MAP3K1: variants seen among roughly 807,000 people sequenced by gnomAD.
MAP3K1 encodes MAP/ERK kinase kinase 1.
A neutral mutation model predicts 144.2 loss-of-function variants in MAP3K1; 36 were observed. The ratio of observed to expected loss-of-function variants is 0.25; its 90% CI spans 0.19 to 0.33. The LOEUF is 0.33. Among genes scored for constraint, MAP3K1 ranks in the 10% least tolerant of loss-of-function variants. The pLI is 1.00. For synonymous variants in MAP3K1, 718 were observed against 688.7 expected, an observed-to-expected ratio of 1.04 and a Z score of -0.67; for missense variants, 1,650 against 1,881.9, an observed-to-expected ratio of 0.88 and a Z score of 2.28.
chr5:56,823,794 C>G (rs1320143842), intron 1 of MAP3K1, among the ~76,000 whole-genome samples: 1 of 152,084 alleles, frequency 6.6e-6, no homozygotes, highest in Non-Finnish European at 1.5e-5. Flanking sequence ...TAGTAGAGAG[C>G]AAATAGCTAT....
At chr5:56,883,971 A>AAACCCTACCTC (rs1748302630) in intron 15 of MAP3K1, among the ~76,000 whole-genome samples, 1 of 152,088 alleles carries the variant, frequency 6.6e-6, no homozygotes, top group Non-Finnish European at 1.5e-5. Context: ...CAGCATGGTG[A>AAACCCTACCTC]AACCCTACCT....
In MAP3K1 at chr5:56,888,152, G is replaced by A. The variant is rs1181931169; in HGVS notation, c.4258-74G>A. 2.2e-6 allele frequency: 3 copies of A among 1,367,190 alleles called. No homozygotes were observed. The African/African-American group carries it at 4.3e-5, about 20-fold the overall frequency. 84.7% of individuals were successfully genotyped at this position (1,367,190 alleles called of 1,614,324 possible). ...GTTTTCTCCCTAAAGTAAGGAAGTA[G>A]AATCTATAACTACAAAATGGCCTTC... On this transcript the variant is annotated intron_variant, in intron 18 of 19. Transcript: ENST00000399503.
At chr5:56,833,812 T>C (rs1746566684) in intron 1 of MAP3K1, among the ~76,000 whole-genome samples, 1 of 152,310 alleles carries the variant, frequency 6.6e-6, no homozygotes, top group South Asian at 2.1e-4. Context: ...AAGGCCAGCA[T>C]CTAGTATTAA....
At chr5:56,846,612 C>T (rs1380594299) in intron 1 of MAP3K1, among the ~76,000 whole-genome samples, 1 of 152,178 alleles carries the variant, frequency 6.6e-6, no homozygotes, top group Non-Finnish European at 1.5e-5. Context: ...TTTTAAGAGT[C>T]ACTGCATATT....
At position 56,882,319 on chromosome 5, in the gene MAP3K1, A is replaced by G; in HGVS notation, c.3119A>G (p.Asp1040Gly). The G allele has an allele frequency of 6.2e-7, 1 of 1,614,166 alleles. No homozygotes were observed. Among genetic ancestry groups the G allele is most frequent in the South Asian group, 1.1e-5 (1 of 91,092 alleles). The change falls in exon 14 of 20, where the codon GAT (aspartate) becomes GGT (glycine). Residue 1040 changes from aspartate (D) to glycine (G), a missense_variant. Coordinates refer to ENST00000399503, the MANE Select transcript of MAP3K1 (RefSeq NM_005921.2). The part of the protein sequence containing the change: ...HRNCPENKDS[D>G]KLSPVFTQSR... Reference sequence around the variant, plus strand: ...AACTGTCCTGAAAACAAAGACTCAGATAAACTTTCCCCAGTCTTTACTCAG... The same window carrying G: ...AACTGTCCTGAAAACAAAGACTCAGGTAAACTTTCCCCAGTCTTTACTCAG...
intron 1 of MAP3K1, among the ~76,000 whole-genome samples, chr5:56,816,475 C>G (rs1730601686): frequency 1.3e-5 from 2 of 151,988 alleles, no homozygotes; most frequent in Non-Finnish European, 2.9e-5. Flanking sequence ...AGGCCCGAGC[C>G]TGAGGCGGGC....
intron 1 of MAP3K1, among the ~76,000 whole-genome samples, chr5:56,824,863 T>C (rs532550634): frequency 1.2e-4 from 18 of 152,356 alleles, no homozygotes; most frequent in Non-Finnish European, 2.6e-4. Context: ...AGTCATTTTA[T>C]ACCTTGCAGT....
chr5:56,853,546 G>A lies in MAP3K1; in HGVS notation c.483-3054G>A, dbSNP rs528955006. Among the ~76,000 whole-genome samples the A allele has an allele frequency of 7.2e-5, 11 of 152,260 alleles. No individual in the cohort carries two copies. In the South Asian group the frequency reaches 2.3e-3, roughly 32 times the overall value. On this transcript the variant is annotated intron_variant, in intron 1 of 19. Coordinates refer to ENST00000399503, the MANE Select transcript of MAP3K1 (RefSeq NM_005921.2). ...GGTGTATAGATGGCGATAACACGTG[G>A]TCCCCTCACTCATGGAGCTTACAGT...
At chr5:56,844,991 C>T (rs1036004023) in intron 1 of MAP3K1, among the ~76,000 whole-genome samples, 3 of 152,340 alleles carry the variant, frequency 2.0e-5, no homozygotes, top group Admixed American at 1.3e-4. Flanking sequence ...AGAAATCCTT[C>T]TCCTAGCAAA....
intron 5 of MAP3K1, among the ~76,000 whole-genome samples, 183 bp downstream of exon 5, chr5:56,865,639 A>G (rs1190161147): frequency 1.3e-5 from 2 of 152,226 alleles, no homozygotes; most frequent in African/African-American, 4.8e-5. Context: ...CTAGCTTGAA[A>G]AAAACAAACA....
intron 3 of MAP3K1, among the ~76,000 whole-genome samples, chr5:56,861,903 T>A (rs982229471): frequency 2.9e-4 from 44 of 152,084 alleles, no homozygotes; most frequent in African/African-American, 8.5e-4. Flanking sequence ...GGTTTTTTTT[T>A]AAGATCTGGA....
At chr5:56,857,453 C>A (rs1747375330) in intron 2 of MAP3K1, among the ~76,000 whole-genome samples, 1 of 151,976 alleles carries the variant, frequency 6.6e-6, no homozygotes, top group Non-Finnish European at 1.5e-5. Flanking sequence ...ATTACAGTAT[C>A]CTAGCACTAA....
At position 56,882,152 on chromosome 5, in the gene MAP3K1, AACC is replaced by A. The variant is rs140733770; in HGVS notation, c.2953_2955del (p.Thr985del). The A allele has an allele frequency of 1.4e-3, 2,218 of 1,614,124 alleles. 29 individuals carry two copies. The African/African-American group carries it at 0.026, about 19-fold the overall frequency. On this transcript the variant is annotated inframe_deletion, in exon 14 of 20. Coordinates refer to ENST00000399503, the MANE Select transcript of MAP3K1 (RefSeq NM_005921.2). ...CCCAATTAATGTTTCCAGCCTTGTC[AACC>A]CCTTCTTCTTCTACCCCATCTGTAC...
rs1561188623 is a variant in MAP3K1 at position 56,864,916 on chromosome 5, G to A, written c.1017G>A (p.Arg339=). ...GAGACAGCCCAGACAATAAATACCG[G>A]GTGTTTATTGGGCCTCAGGTAGGAT... The part of the protein sequence containing the change: ...IGGDSPDNKY[R]VFIGPQNCSC... Residue 339 remains arginine (R), a synonymous_variant, in exon 4 of 20, where the codon CGG becomes CGA. Coordinates refer to ENST00000399503, the MANE Select transcript of MAP3K1 (RefSeq NM_005921.2). 6.2e-7 allele frequency: 1 copy of A among 1,613,712 alleles called. No individual in the cohort carries two copies. The highest frequency in any genetic ancestry group is 8.5e-7 in the Non-Finnish European group (1 of 1,179,950).
intron 1 of MAP3K1, among the ~76,000 whole-genome samples, chr5:56,853,898 G>C (rs557184088): frequency 2.7e-5 from 4 of 146,540 alleles, no homozygotes; most frequent in Admixed American, 1.3e-4. Flanking sequence ...GTCTAAGCCC[G>C]GGGGGAACCA....
intron 19 of MAP3K1, among the ~76,000 whole-genome samples, chr5:56,889,612 T>A (rs1013964662): frequency 6.6e-6 from 1 of 152,214 alleles, no homozygotes; most frequent in Non-Finnish European, 1.5e-5. Flanking sequence ...TCAGTAGATG[T>A]GATGGTTGAA....
At chr5:56,892,801 T>C (rs1748586242) in intron 19 of MAP3K1, among the ~76,000 whole-genome samples, 1 of 152,174 alleles carries the variant, frequency 6.6e-6, no homozygotes, top group Non-Finnish European at 1.5e-5. Flanking sequence ...TAATGGGTGC[T>C]CAAAAATTGT....
chr5:56,818,509 A>G (rs1267413647), intron 1 of MAP3K1, among the ~76,000 whole-genome samples: 2 of 152,128 alleles, frequency 1.3e-5, no homozygotes, highest in African/African-American at 4.8e-5. Context: ...ATTAGAATTT[A>G]TATAAATAAA....
In MAP3K1 at chr5:56,815,586, G is replaced by GAGGAGCC; in HGVS notation, c.13_14insAGGAGCC (p.Ala5GlufsTer21). On this transcript the variant is annotated frameshift_variant, in exon 1 of 20. Coordinates refer to ENST00000399503, the MANE Select transcript of MAP3K1 (RefSeq NM_005921.2). LOFTEE classifies it high-confidence loss of function. Reference sequence around the variant, plus strand: ...CCCGCGAGAGAAAATGGCGGCGGCGGCGGGGAATCGCGCCTCGTCGTCGGG... The same window carrying GAGGAGCC: ...CCCGCGAGAGAAAATGGCGGCGGCGGAGGAGCCCGGGGAATCGCGCCTCGTCGTCGGG... 7.7e-7 allele frequency: 1 copy of GAGGAGCC among 1,299,022 alleles called. No homozygotes were observed. Among genetic ancestry groups the GAGGAGCC allele is most frequent in the Non-Finnish European group, 9.7e-7 (1 of 1,026,726 alleles). 80.5% of individuals were successfully genotyped at this position (1,299,022 alleles called of 1,614,324 possible).
Sources: allele counts gnomAD v4.1 joint callset (sites outside exome capture counted in the v4.1 genomes callset), GRCh38; gene constraint gnomAD v4.1.1; transcripts MANE v1.5; gene names NCBI Gene and HGNC (gene_info 2026-07-23, HGNC 2026-07-21).